SAMD12: variants seen among roughly 807,000 people sequenced by gnomAD.
The protein encoded by SAMD12 is sterile alpha motif domain containing 12.
Under a neutral mutation model 15.0 loss-of-function variants are expected in SAMD12, and 9 were observed. The observed-to-expected ratio is 0.60, with a 90% CI of 0.36 to 1.05. The LOEUF (loss-of-function observed/expected upper bound fraction) is 1.05, where lower values mean the gene tolerates loss of function less well. Among genes scored for constraint, SAMD12 ranks in the 50% least tolerant of loss-of-function variants. The probability of loss-of-function intolerance (pLI) is 0.01; values close to 1 mark genes in which losing one functional copy is unlikely to be tolerated. For missense variants in SAMD12, 230 were observed against 234.2 expected, an observed-to-expected ratio of 0.98 and a Z score of 0.12; for synonymous variants, 86 against 90.1, an observed-to-expected ratio of 0.96 and a Z score of 0.25.
intron 3 of SAMD12, among the ~76,000 whole-genome samples, chr8:118,411,853 G>C (rs1012030097): frequency 6.6e-6 from 1 of 152,088 alleles, no homozygotes; most frequent in African/African-American, 2.4e-5. Flanking sequence ...TTGTGAAAAA[G>C]GAAAAATGAC....
the SAMD12 span, among the ~76,000 whole-genome samples, chr8:118,137,319 A>G: frequency 2.0e-5 from 3 of 152,204 alleles, no homozygotes; most frequent in African/African-American, 7.2e-5. Flanking sequence ...GTGAAGTTAC[A>G]AAGTTACACT....
intron 4 of SAMD12, among the ~76,000 whole-genome samples, chr8:118,317,512 G>GTC (rs1815981799): frequency 6.6e-6 from 1 of 152,106 alleles, no homozygotes; most frequent in Middle Eastern, 3.2e-3. Context: ...TGTTGAAGAA[G>GTC]GTAGATACAA....
At chr8:118,169,305 C>T in the SAMD12 span, among the ~76,000 whole-genome samples, 1 of 152,198 alleles carries the variant, frequency 6.6e-6, no homozygotes. Flanking sequence ...AGCTACTCTG[C>T]AAGGAAATGC....
Position 118,379,249 on chromosome 8 carries a change from C to A in SAMD12, c.*168G>T. On this transcript the variant is annotated 3_prime_UTR_variant, in exon 4 of 4. Coordinates refer to ENST00000314727, the MANE Select transcript of SAMD12 (RefSeq NM_207506.3). Reference sequence around the variant, plus strand: ...ACAACTCTAGTGAGTGCAATCGTACCCTGATTGATGTGACTGGTATTCTCT... The same window carrying A: ...ACAACTCTAGTGAGTGCAATCGTACACTGATTGATGTGACTGGTATTCTCT... 1 of 1,427,482 alleles carries A rather than the reference C, an allele frequency of 7.0e-7. No individual in the cohort carries two copies. Among genetic ancestry groups the A allele is most frequent in the East Asian group, 2.5e-5 (1 of 39,892 alleles). 88.4% of individuals were successfully genotyped at this position (1,427,482 alleles called of 1,614,324 possible).
chr8:118,533,565 G>C (rs192307481), intron 2 of SAMD12, among the ~76,000 whole-genome samples: 1,601 of 152,228 alleles, frequency 0.011, 29 homozygotes, highest in African/African-American at 0.035. Context: ...TTATTATTGT[G>C]TGGGAGTCTA....
chr8:118,279,778 C>T (rs1001690472), intron 4 of SAMD12, among the ~76,000 whole-genome samples: 1 of 152,196 alleles, frequency 6.6e-6, no homozygotes, highest in Non-Finnish European at 1.5e-5. Context: ...GATTTCTATG[C>T]AGCACAATCT....
chr8:118,357,786 C>A (rs1415670448), intron 4 of SAMD12, among the ~76,000 whole-genome samples: 3 of 152,148 alleles, frequency 2.0e-5, no homozygotes, highest in Non-Finnish European at 4.4e-5. Flanking sequence ...TTGCCTGTGT[C>A]CCAGCCACAT....
At chr8:118,174,876 G>A in the SAMD12 span, among the ~76,000 whole-genome samples, 2,950 of 152,006 alleles carry the variant, frequency 0.019, 109 homozygotes, top group African/African-American at 0.068. Flanking sequence ...GTGTACATGT[G>A]TGGGTTTTTG....
intron 2 of SAMD12, among the ~76,000 whole-genome samples, chr8:118,530,424 T>C (rs979778208): frequency 6.6e-6 from 1 of 152,198 alleles, no homozygotes; most frequent in African/African-American, 2.4e-5. Flanking sequence ...TTTGTGTCCA[T>C]GTGTACTCAA....
At chr8:118,442,980 C>G (rs1330225792) in intron 2 of SAMD12, among the ~76,000 whole-genome samples, 1 of 152,182 alleles carries the variant, frequency 6.6e-6, no homozygotes, top group East Asian at 1.9e-4. Context: ...CCCAAACACA[C>G]TAAGTTGACT....
chr8:118,426,088 G>A (rs1394494466), intron 3 of SAMD12, among the ~76,000 whole-genome samples: 1 of 152,156 alleles, frequency 6.6e-6, no homozygotes, highest in East Asian at 1.9e-4. Context: ...CACAGCAATG[G>A]GATACAGTCT....
intron 3 of SAMD12, among the ~76,000 whole-genome samples, chr8:118,386,806 C>T (rs744079): frequency 0.051 from 7,690 of 152,264 alleles, 641 homozygotes; most frequent in African/African-American, 0.17. Flanking sequence ...AGATAAATGA[C>T]TGCATGTCAT....
At chr8:118,165,622 A>ATATATACATATATACGTATATATGTG in the SAMD12 span, among the ~76,000 whole-genome samples, 3 of 135,830 alleles carry the variant, frequency 2.2e-5, no homozygotes, top group South Asian at 6.5e-4. Context: ...ATGTATATAT[A>ATATATACATATATACGTATATATGTG]TATATATATA....
intron 2 of SAMD12, among the ~76,000 whole-genome samples, chr8:118,556,955 C>T (rs1239286021): frequency 6.6e-6 from 1 of 150,766 alleles, no homozygotes; most frequent in African/African-American, 2.5e-5. Context: ...CAGTGCGAGA[C>T]TCCATCTCAA....
intron 4 of SAMD12, among the ~76,000 whole-genome samples, chr8:118,370,397 C>G (rs187896432): frequency 1.8e-3 from 272 of 152,240 alleles, no homozygotes; most frequent in African/African-American, 6.0e-3. Context: ...AGACCTGGAA[C>G]TGGAAATATC....
At chr8:118,141,270 C>T in the SAMD12 span, among the ~76,000 whole-genome samples, 1 of 152,216 alleles carries the variant, frequency 6.6e-6, no homozygotes, top group Non-Finnish European at 1.5e-5. Flanking sequence ...TAATTTGAGA[C>T]TGCCATATGT....
the SAMD12 span, among the ~76,000 whole-genome samples, chr8:118,157,995 G>A: frequency 6.6e-6 from 1 of 152,172 alleles, no homozygotes; most frequent in East Asian, 1.9e-4. Context: ...GGAGAGGGAA[G>A]TCAGGTGGAT....
At chr8:118,448,195 G>A (rs955108737) in intron 2 of SAMD12, among the ~76,000 whole-genome samples, 4 of 152,124 alleles carry the variant, frequency 2.6e-5, no homozygotes, top group Non-Finnish European at 5.9e-5. Context: ...CAAAGCCTTT[G>A]AGAATTGTTC....
chr8:118,449,963 GGT>G (rs1823029812), intron 2 of SAMD12, among the ~76,000 whole-genome samples: 1 of 152,106 alleles, frequency 6.6e-6, no homozygotes, highest in African/African-American at 2.4e-5. Context: ...GTCTTCCAGT[GGT>G]AAGTCCTGTC....
Sources: gnomAD v4.1 joint callset for allele counts (sites outside exome capture counted in the v4.1 genomes callset) on GRCh38, gnomAD v4.1.1 for gene constraint, MANE v1.5 for transcripts, NCBI Gene and HGNC (gene_info 2026-07-23, HGNC 2026-07-21) for gene names.